USP6NL: variants seen among roughly 807,000 people sequenced by gnomAD.
USP6NL encodes the protein USP6 N-terminal like.
A neutral mutation model predicts 61.9 loss-of-function variants in USP6NL; 26 were observed. That is an observed-to-expected ratio of 0.42 (90% CI 0.31 to 0.58). The LOEUF is 0.58. USP6NL is among the 20% of genes least tolerant of loss of function. The pLI, the probability that USP6NL is intolerant of heterozygous loss-of-function variation, is 0.16. For synonymous variants in USP6NL, 432 were observed against 390.1 expected (o/e 1.11, Z -1.27); for missense variants, 1,114 against 1,034.3 (o/e 1.08, Z -1.06).
rs1291905562 is a variant in USP6NL, at chr10:11,518,398, T to C, written c.195+137A>G. ...CATTAACTATTATCTTACAGTGGCA[T>C]AATGAGGTCCAAAATCTAACAATGA... On this transcript the variant is annotated intron_variant, in intron 5 of 14. Transcript: ENST00000609104. The surrounding 1 kb of genome is among the most constrained non-coding windows in gnomAD (Gnocchi z 5.3). The C allele has an allele frequency of 6.5e-6, 5 of 767,956 alleles. No homozygotes were observed. The highest frequency in any genetic ancestry group is 1.1e-5 in the Non-Finnish European group (5 of 441,892). The allele number at this position is 767,956 out of a possible 1,614,324, so 47.6% of individuals were successfully genotyped here. A position where few individuals can be genotyped will look rare whatever the true frequency, so the allele number is the denominator to read the frequency against.
At position 11,598,344 on chromosome 10, in the gene USP6NL, T is replaced by A. The variant is rs1309646393; in HGVS notation, c.-83-627A>T. On this transcript the variant is annotated intron_variant, in intron 1 of 14. Transcript: ENST00000609104. This position sits in a 1 kb window ranked among gnomAD's most constrained non-coding sequence, Gnocchi z 4.7. ...TTTTTTTCTAAGTATTTTAAAAATA[T>A]ACTTGATACTACACATAAAATTTTG... Among the ~76,000 whole-genome samples, 1 of 152,188 alleles carries A rather than the reference T, an allele frequency of 6.6e-6. No homozygotes were observed. The highest frequency in any genetic ancestry group is 2.4e-5 in the African/African-American group (1 of 41,464).
In USP6NL at chr10:11,537,349, C is replaced by A. The variant is rs1271067530; in HGVS notation, c.5-9782G>T. Among the ~76,000 whole-genome samples the A allele has an allele frequency of 1.3e-5, 2 of 152,046 alleles. No homozygotes were observed. The highest frequency in any genetic ancestry group is 1.3e-4 in the Admixed American group (2 of 15,268). ...CTGGTCTCGAACTCCTGGGCTGGGG[C>A]AATCCACCCACCTTGGCCTCCCAAA... On this transcript the variant is annotated intron_variant, in intron 2 of 14. Transcript: ENST00000609104. This position sits in a 1 kb window ranked among gnomAD's most constrained non-coding sequence, Gnocchi z 5.1.
chr10:11,590,471 T>C (rs901870156), intron 2 of USP6NL, among the ~76,000 whole-genome samples: 4 of 152,238 alleles, frequency 2.6e-5, no homozygotes, highest in African/African-American at 4.8e-5. Context: ...ATGTTACTTA[T>C]GTGGAATTTT....
intron 10 of USP6NL, among the ~76,000 whole-genome samples, chr10:11,486,714 AC>A (rs1833485739): frequency 6.6e-6 from 1 of 152,178 alleles, no homozygotes; most frequent in South Asian, 2.1e-4. Context: ...AAACCAGAGG[AC>A]ACATTTACAT....
In USP6NL at chr10:11,527,487, T is replaced by A. The variant is rs777061165; in HGVS notation, c.72+13A>T. ...AATAAAACTCACCCAAAGTGTTAAA[T>A]ATGGATACTTACTCTGTCATATTTA... On this transcript the variant is annotated intron_variant, in intron 3 of 14. Transcript: ENST00000609104. The A allele has an allele frequency of 1.3e-6, 2 of 1,593,706 alleles. No individual in the cohort carries two copies. Among genetic ancestry groups the A allele is most frequent in the East Asian group, 2.3e-5 (1 of 44,372 alleles).
intron 2 of USP6NL, among the ~76,000 whole-genome samples, chr10:11,542,749 G>T (rs1003900917): frequency 6.6e-6 from 1 of 152,052 alleles, no homozygotes; most frequent in Non-Finnish European, 1.5e-5. Context: ...CAAAAGCATG[G>T]TAGAAACTCA....
chr10:11,541,879 GA>G (rs869236897), intron 2 of USP6NL, among the ~76,000 whole-genome samples: 1 of 152,092 alleles, frequency 6.6e-6, no homozygotes, highest in Non-Finnish European at 1.5e-5. Flanking sequence ...CTATAAGTTA[GA>G]AAAAAATTTT....
At chr10:11,502,145 G>C (rs1834225937) in intron 6 of USP6NL, among the ~76,000 whole-genome samples, 1 of 151,828 alleles carries the variant, frequency 6.6e-6, no homozygotes. Flanking sequence ...TGTAGTCCCA[G>C]CTACTCGGGA....
Position 11,485,454 on chromosome 10 carries a change from G to GT in USP6NL, c.760-221dup, listed in dbSNP as rs1348814319. 2.6e-5 allele frequency among the ~76,000 whole-genome samples: 4 copies of GT among 152,208 alleles called. No individual in the cohort carries two copies. Among genetic ancestry groups the GT allele is most frequent in the Non-Finnish European group, 5.9e-5 (4 of 67,990 alleles). ...TTTCTTTGTTTTACTAAACTACTGT[G>GT]TTTTATAGTAAGGCATATATATAGT... On this transcript the variant is annotated intron_variant, in intron 11 of 14. Transcript: ENST00000609104. The surrounding 1 kb of genome is among the most constrained non-coding windows in gnomAD (Gnocchi z 4.8).
intron 6 of USP6NL, among the ~76,000 whole-genome samples, chr10:11,502,255 T>A (rs34283553): frequency 0.11 from 15,696 of 142,576 alleles, 1,304 homozygotes; most frequent in East Asian, 0.42. Flanking sequence ...TGAGACTCCA[T>A]CTCAAAAAAA....
chr10:11,496,971 T>C lies in USP6NL; in HGVS notation c.385-3743A>G, dbSNP rs1276739974. ...AAGACAGAGGAAGACATTTAGAGTA[T>C]TGTATTAGATTCATATGGCCACTAA... On this transcript the variant is annotated intron_variant, in intron 7 of 14. Coordinates refer to ENST00000609104, the MANE Select transcript of USP6NL (RefSeq NM_014688.5). The surrounding 1 kb of genome is among the most constrained non-coding windows in gnomAD (Gnocchi z 5.4). Among the ~76,000 whole-genome samples the C allele has an allele frequency of 1.2e-4, 19 of 152,248 alleles. No homozygotes were observed. The East Asian group carries it at 3.3e-3, about 26-fold the overall frequency.
intron 2 of USP6NL, among the ~76,000 whole-genome samples, chr10:11,541,052 G>C (rs545005488): frequency 2.0e-5 from 3 of 151,836 alleles, no homozygotes; most frequent in Non-Finnish European, 2.9e-5. Context: ...ACAAGACACA[G>C]CTGCAATCCA....
At chr10:11,558,707 T>C (rs1380465869) in intron 2 of USP6NL, among the ~76,000 whole-genome samples, 2 of 152,134 alleles carry the variant, frequency 1.3e-5, no homozygotes, top group Admixed American at 6.5e-5. Flanking sequence ...ATAAACTATA[T>C]CCATTTAATC....
intron 2 of USP6NL, among the ~76,000 whole-genome samples, chr10:11,586,733 C>T (rs1837979362): frequency 6.6e-6 from 1 of 151,874 alleles, no homozygotes; most frequent in Non-Finnish European, 1.5e-5. Context: ...TGAAGAAAAT[C>T]GATTAGTTTA....
Position 11,462,443 on chromosome 10 carries a change from A to G in USP6NL, c.2485T>C (p.Ter829ArgextTer7). 1 of 1,611,322 alleles carries G rather than the reference A, an allele frequency of 6.2e-7. No homozygotes were observed. The highest frequency in any genetic ancestry group is 1.1e-5 in the South Asian group (1 of 90,774). ...CTTTAGCAAGTACACGTCAAATCTC[A>G]CAGCAACACTGACTCTTGGATGGAA... ...GLSIQESVLL* is the reference protein window; with the variant it reads ...GLSIQESVLLR The change falls in exon 15 of 15, where the codon TGA (stop) becomes CGA (arginine). Residue 829 changes from the stop codon to arginine, a stop_lost. Transcript: ENST00000609104.
Position 11,462,761 on chromosome 10 carries a change from T to C in USP6NL, c.2167A>G (p.Ile723Val). Residue 723 changes from isoleucine (I) to valine (V), a missense_variant, in exon 15 of 15, where the codon ATC becomes GTC. Physicochemically the swap from Ile to Val is conservative, Grantham distance 29. Transcript: ENST00000609104. ...GGCAAGTAATCCACTGGTGGAATGA[T>C]CAATTTTCCATTCTTTGGTGACCCT... is the stretch of plus-strand genomic sequence containing the variant. ...NSGSPKNGKLIIPPVDYLPDN... is the reference protein window; with the variant it reads ...NSGSPKNGKLVIPPVDYLPDN... 1.2e-6 allele frequency: 2 copies of C among 1,614,012 alleles called. No homozygotes were observed. The highest frequency in any genetic ancestry group is 1.7e-6 in the Non-Finnish European group (2 of 1,179,892).
At chr10:11,531,608 G>GCA (rs1465822831) in intron 2 of USP6NL, among the ~76,000 whole-genome samples, 1 of 150,650 alleles carries the variant, frequency 6.6e-6, no homozygotes, top group African/African-American at 2.4e-5. Flanking sequence ...GTGAGCCACC[G>GCA]CACCCGCTTA....
chr10:11,579,792 A>G (rs1197821691), intron 2 of USP6NL, among the ~76,000 whole-genome samples: 1 of 148,568 alleles, frequency 6.7e-6, no homozygotes, highest in Non-Finnish European at 1.5e-5. Context: ...GTCTGCAAAC[A>G]TTTTCTATAA....
intron 4 of USP6NL, among the ~76,000 whole-genome samples, chr10:11,523,275 C>A (rs1435082858): frequency 1.3e-5 from 2 of 152,182 alleles, no homozygotes; most frequent in African/African-American, 4.8e-5. Context: ...AAATGCTTCT[C>A]AATAGACAAG....
Sources: gnomAD v4.1 joint callset for allele counts (sites outside exome capture counted in the v4.1 genomes callset) on GRCh38, gnomAD v4.1.1 for gene constraint, Gnocchi (gnomAD v3.1) non-coding constraint, MANE v1.5 for transcripts, NCBI Gene and HGNC (gene_info 2026-07-23, HGNC 2026-07-21) for gene names.